TENM2: variants seen among roughly 807,000 people sequenced by gnomAD.
TENM2 encodes the protein teneurin transmembrane protein 2.
Under a neutral mutation model 245.2 loss-of-function variants are expected in TENM2, and 52 were observed. The ratio of observed to expected loss-of-function variants is 0.21; its 90% CI spans 0.17 to 0.27. The LOEUF is 0.27. TENM2 is among the 10% of genes least tolerant of loss of function. The pLI is 1.00. For synonymous variants in TENM2, 1,363 were observed against 1,438.9 expected (o/e 0.95, Z 1.19); for missense variants, 3,046 against 3,666.8 (o/e 0.83, Z 4.37).
intron 25 of TENM2, among the ~76,000 whole-genome samples, chr5:168,236,999 T>TA: frequency 1.5e-4 from 1 of 6,750 alleles, no homozygotes; most frequent in Non-Finnish European, 2.5e-4. Flanking sequence ...TATATATATA[T>TA]ATTTTTTTTT....
chr5:167,416,677 C>CTGTTTTT (rs1554147902), intron 2 of TENM2, among the ~76,000 whole-genome samples: 1 of 149,800 alleles, frequency 6.7e-6, no homozygotes, highest in Non-Finnish European at 1.5e-5. Flanking sequence ...TACTCTCTTG[C>CTGTTTTT]TGTTTTTGTT....
At chr5:167,991,109 G>A (rs1029552735) in intron 4 of TENM2, among the ~76,000 whole-genome samples, 2 of 152,346 alleles carry the variant, frequency 1.3e-5, no homozygotes, top group Non-Finnish European at 2.9e-5. Flanking sequence ...TACCCACCTG[G>A]TGGGATTAAT....
chr5:167,310,012 T>C (rs1367209556), intron 1 of TENM2: 3 of 152,190 alleles, frequency 2.0e-5, no homozygotes, highest in Admixed American at 6.5e-5. Context: ...ATGATTACCC[T>C]TTCTTTATAA....
chr5:167,114,668 C>T, the TENM2 span, among the ~76,000 whole-genome samples: 1 of 152,132 alleles, frequency 6.6e-6, no homozygotes, highest in Non-Finnish European at 1.5e-5. Context: ...TTAAACAAAA[C>T]TTTACCTTCT....
At chr5:167,381,040 A>G (rs1035243431) in intron 2 of TENM2, among the ~76,000 whole-genome samples, 2 of 152,158 alleles carry the variant, frequency 1.3e-5, no homozygotes, top group African/African-American at 4.8e-5. Flanking sequence ...TCTACAGACA[A>G]TTGAATCAGA....
At chr5:167,351,095 G>GAT (rs113746660) in intron 1 of TENM2, among the ~76,000 whole-genome samples, 7 of 81,336 alleles carry the variant, frequency 8.6e-5, no homozygotes, top group South Asian at 4.9e-4. Context: ...TATACATATG[G>GAT]ATATATATAT....
chr5:167,274,720 T>C, the TENM2 span, among the ~76,000 whole-genome samples: 3 of 152,010 alleles, frequency 2.0e-5, no homozygotes, highest in Non-Finnish European at 4.4e-5. Flanking sequence ...TGTAGTAATG[T>C]GTCATTGTGG....
chr5:167,721,858 A>T (rs985822040), intron 2 of TENM2, among the ~76,000 whole-genome samples: 3 of 152,174 alleles, frequency 2.0e-5, no homozygotes, highest in Admixed American at 6.5e-5. Context: ...ATGCGATTTG[A>T]CAGAAATTCC....
chr5:168,174,430 G>A (rs1759146312), intron 13 of TENM2, among the ~76,000 whole-genome samples: 1 of 152,144 alleles, frequency 6.6e-6, no homozygotes, highest in Non-Finnish European at 1.5e-5. Context: ...TGAGTTAATG[G>A]ATGCAAAACA....
At chr5:167,375,249 G>C (rs1041682889) in exon 2 of TENM2, 1 of 1,551,648 alleles carries the variant, frequency 6.4e-7, no homozygotes, top group Non-Finnish European at 8.7e-7. Flanking sequence ...TCCCCACACC[G>C]AAGCGGCTAC....
chr5:167,386,291 T>C (rs1201823789), intron 2 of TENM2, among the ~76,000 whole-genome samples: 1 of 152,178 alleles, frequency 6.6e-6, no homozygotes, highest in African/African-American at 2.4e-5. Flanking sequence ...TTTTCATATG[T>C]TTGTTGGCCA....
At chr5:167,920,473 G>A (rs1777281439) in intron 3 of TENM2, among the ~76,000 whole-genome samples, 2 of 150,734 alleles carry the variant, frequency 1.3e-5, no homozygotes, top group South Asian at 2.1e-4. Context: ...AGCCAAGCTC[G>A]TGCCACTGTA....
chr5:168,015,788 T>C (rs1785601628), intron 5 of TENM2, among the ~76,000 whole-genome samples: 1 of 152,180 alleles, frequency 6.6e-6, no homozygotes, highest in South Asian at 2.1e-4. Context: ...CTCCTTCAGA[T>C]CAGAAGGGAA....
chr5:167,557,839 G>A (rs1773349401), intron 2 of TENM2, among the ~76,000 whole-genome samples: 1 of 152,144 alleles, frequency 6.6e-6, no homozygotes, highest in African/African-American at 2.4e-5. Flanking sequence ...GGCCCAACAT[G>A]TCAATAGTGC....
At chr5:168,109,428 G>A (rs912243353) in intron 9 of TENM2, among the ~76,000 whole-genome samples, 11 of 152,302 alleles carry the variant, frequency 7.2e-5, no homozygotes, top group Admixed American at 4.6e-4. Flanking sequence ...GATCGTCTCC[G>A]TTTCACAGCT....
In TENM2 at chr5:168,249,603, A is replaced by G. The variant is rs115428020; in HGVS notation, c.7432+1232A>G. The stretch of plus-strand genomic sequence containing the variant: ...GCTCAAGGCTGAAGGAAGGCTATGA[A>G]CAAATGTCATAAGGACATAGGAAGT... On this transcript the variant is annotated intron_variant, in intron 27 of 28. Coordinates refer to ENST00000518659, the Ensembl canonical transcript of TENM2. Among the ~76,000 whole-genome samples the G allele has an allele frequency of 9.7e-3, 1,482 of 152,312 alleles. 26 individuals carry two copies. The highest frequency in any genetic ancestry group is 0.034 in the African/African-American group (1,399 of 41,550).
intron 13 of TENM2, among the ~76,000 whole-genome samples, 161 bp downstream of exon 15, chr5:168,162,918 G>A (rs896612242): frequency 6.6e-6 from 1 of 151,936 alleles, no homozygotes; most frequent in Middle Eastern, 3.2e-3. Context: ...GTGTCCTTAT[G>A]CCAGGGGGGA....
chr5:167,227,071 T>C, the TENM2 span, among the ~76,000 whole-genome samples: 1 of 106,444 alleles, frequency 9.4e-6, no homozygotes. Flanking sequence ...TCCATCTCTT[T>C]ACTGTGAGTG....
intron 23 of TENM2, among the ~76,000 whole-genome samples, chr5:168,219,819 C>G (rs1400724271): frequency 4.0e-5 from 2 of 49,844 alleles, no homozygotes; most frequent in Non-Finnish European, 5.8e-5. Context: ...GGAGAGTTGG[C>G]ACAGCAAAAA....
Sources: allele counts gnomAD v4.1 joint callset (sites outside exome capture counted in the v4.1 genomes callset), GRCh38; gene constraint gnomAD v4.1.1; transcripts MANE v1.5; gene names NCBI Gene and HGNC (gene_info 2026-07-23, HGNC 2026-07-21).